Variants in RSPO2 observed in about 807,000 individuals in gnomAD.
RSPO2 encodes R-spondin-2.
RSPO2 carries 14 observed loss-of-function variants against 30.9 expected under a neutral mutation model. That is an observed-to-expected ratio of 0.45 (90% CI 0.30 to 0.71). The LOEUF is 0.71. RSPO2 is among the 30% of genes least tolerant of loss of function. The probability of loss-of-function intolerance (pLI) is 0.08; values close to 1 mark genes in which losing one functional copy is unlikely to be tolerated. For synonymous variants in RSPO2, 107 were observed against 96.4 expected, an observed-to-expected ratio of 1.11 and a Z score of -0.64; for missense variants, 264 against 301.9, an observed-to-expected ratio of 0.87 and a Z score of 0.93.
intron 2 of RSPO2, among the ~76,000 whole-genome samples, chr8:107,991,814 C>T (rs1209557453): frequency 6.6e-6 from 1 of 152,022 alleles, no homozygotes; most frequent in African/African-American, 2.4e-5. Context: ...TAAAGAAATG[C>T]AAATAAGAAA....
At chr8:108,003,946 A>G (rs751860623) in intron 2 of RSPO2, among the ~76,000 whole-genome samples, 35 of 152,230 alleles carry the variant, frequency 2.3e-4, no homozygotes, top group Non-Finnish European at 1.3e-4. Context: ...ACCATAATTT[A>G]AATTGCAAGA....
intron 5 of RSPO2, among the ~76,000 whole-genome samples, chr8:107,914,943 T>C (rs994620162): frequency 1.3e-5 from 2 of 152,170 alleles, no homozygotes; most frequent in Non-Finnish European, 2.9e-5. Context: ...CTAACATATA[T>C]CTTTCTTTGA....
intron 2 of RSPO2, among the ~76,000 whole-genome samples, chr8:108,062,558 A>C (rs535652965): frequency 2.2e-4 from 33 of 151,920 alleles, no homozygotes; most frequent in Non-Finnish European, 4.3e-4. Context: ...ACCAACCAAA[A>C]AAAGTCCAGG....
At chr8:108,021,759 G>A (rs947331654) in intron 2 of RSPO2, among the ~76,000 whole-genome samples, 10 of 151,910 alleles carry the variant, frequency 6.6e-5, no homozygotes, top group African/African-American at 1.9e-4. Flanking sequence ...ATCACACACC[G>A]GGGCCTGTCG....
rs544231181 is a variant in RSPO2 at position 107,938,471 on chromosome 8, C to T, written c.616+19609G>A. Reference sequence around the variant, plus strand: ...GTCATTTATTAAAGCTGTAATATCCCACCCACTTAGTGAAAATAAATAAAT... The same window carrying T: ...GTCATTTATTAAAGCTGTAATATCCTACCCACTTAGTGAAAATAAATAAAT... On this transcript the variant is annotated intron_variant, in intron 5 of 5. Coordinates refer to ENST00000276659, the MANE Select transcript of RSPO2 (RefSeq NM_178565.5). Among the ~76,000 whole-genome samples the T allele has an allele frequency of 2.3e-4, 35 of 152,216 alleles. No individual in the cohort carries two copies. In the South Asian group the frequency reaches 7.3e-3, roughly 32 times the overall value.
chr8:107,901,169 T>C lies in RSPO2; in HGVS notation c.638A>G (p.Lys213Arg). Residue 213 changes from lysine (K) to arginine (R), a missense_variant, in exon 6 of 6, where the codon AAG becomes AGG. Transcript: ENST00000276659. ...TTTCTTTTTCTTGTTCCTCTTCTCC[T>C]TCGCCTTTGGTGTTCTCTTCCCTGC... ...CPGGKRTPKA[K>R]EKRNKKKKRK... 1 of 1,613,812 alleles carries C rather than the reference T, an allele frequency of 6.2e-7. No homozygotes were observed. Among genetic ancestry groups the C allele is most frequent in the Non-Finnish European group, 8.5e-7 (1 of 1,179,832 alleles).
At chr8:108,033,233 T>C (rs1384488918) in intron 2 of RSPO2, among the ~76,000 whole-genome samples, 1 of 151,982 alleles carries the variant, frequency 6.6e-6, no homozygotes, top group Non-Finnish European at 1.5e-5. Context: ...CAGCAAAAAA[T>C]TATTGATCAC....
chr8:107,933,495 T>TA (rs35489256), intron 5 of RSPO2, among the ~76,000 whole-genome samples: 7 of 152,158 alleles, frequency 4.6e-5, no homozygotes. Flanking sequence ...TGTGTTTATG[T>TA]AAAAAAATGT....
chr8:107,996,410 C>T (rs1398942350), intron 2 of RSPO2, among the ~76,000 whole-genome samples: 4 of 152,166 alleles, frequency 2.6e-5, no homozygotes, highest in Non-Finnish European at 5.9e-5. Flanking sequence ...TAGCCCCACA[C>T]TACAAAGCCC....
chr8:108,051,254 A>G (rs1181950415), intron 2 of RSPO2, among the ~76,000 whole-genome samples: 5 of 152,202 alleles, frequency 3.3e-5, no homozygotes, highest in African/African-American at 1.2e-4. Context: ...AATAATCTAG[A>G]ATGTGTGCCA....
intron 2 of RSPO2, among the ~76,000 whole-genome samples, chr8:108,032,446 C>T (rs1309792709): frequency 6.6e-6 from 1 of 152,154 alleles, no homozygotes; most frequent in Non-Finnish European, 1.5e-5. Context: ...GGATAAATGG[C>T]TTTACTTATC....
chr8:107,939,103 G>T (rs1476347050), intron 5 of RSPO2, among the ~76,000 whole-genome samples: 1 of 152,036 alleles, frequency 6.6e-6, no homozygotes, highest in Non-Finnish European at 1.5e-5. Context: ...ACATGTTTAT[G>T]AGCAAAAATA....
intron 2 of RSPO2, among the ~76,000 whole-genome samples, chr8:108,003,514 AT>A (rs1259157698): frequency 1.3e-5 from 2 of 151,278 alleles, no homozygotes; most frequent in East Asian, 3.9e-4. Flanking sequence ...TAAGCAGGTT[AT>A]TTTGACATGC....
At chr8:108,000,514 G>A (rs926022853) in intron 2 of RSPO2, among the ~76,000 whole-genome samples, 3 of 152,028 alleles carry the variant, frequency 2.0e-5, no homozygotes, top group Non-Finnish European at 2.9e-5. Context: ...AGCAAGGCAA[G>A]ATACTTTTGA....
At chr8:108,022,488 A>C (rs1021799618) in intron 2 of RSPO2, among the ~76,000 whole-genome samples, 3 of 152,222 alleles carry the variant, frequency 2.0e-5, no homozygotes, top group African/African-American at 7.2e-5. Context: ...ACAAGAAAAT[A>C]CCAGAAATTT....
At chr8:108,075,192 G>T (rs1024547349) in intron 2 of RSPO2, among the ~76,000 whole-genome samples, 1 of 151,872 alleles carries the variant, frequency 6.6e-6, no homozygotes, top group African/African-American at 2.4e-5. Context: ...TTAAAATATG[G>T]GTTACCAGCC....
chr8:108,039,756 TATAGACCA>T (rs1811697480), intron 2 of RSPO2, among the ~76,000 whole-genome samples: 1 of 151,966 alleles, frequency 6.6e-6, no homozygotes, highest in Non-Finnish European at 1.5e-5. Context: ...TATGCTTTGT[TATAGACCA>T]GATGCTTGTG....
At chr8:107,945,671 T>C (rs1335476996) in intron 5 of RSPO2, among the ~76,000 whole-genome samples, 1 of 152,190 alleles carries the variant, frequency 6.6e-6, no homozygotes, top group Non-Finnish European at 1.5e-5. Context: ...AATGTTCATA[T>C]TTTAGCTCAG....
chr8:107,976,470 T>C (rs1318291708), intron 3 of RSPO2, among the ~76,000 whole-genome samples: 5 of 152,202 alleles, frequency 3.3e-5, no homozygotes, highest in African/African-American at 9.6e-5. Context: ...TGTTTAACTA[T>C]ATCATAGGAT....
Sources: allele counts gnomAD v4.1 joint callset (sites outside exome capture counted in the v4.1 genomes callset), GRCh38; gene constraint gnomAD v4.1.1; transcripts MANE v1.5; gene names NCBI Gene and HGNC (gene_info 2026-07-23, HGNC 2026-07-21).